USP37: variants seen among roughly 807,000 people sequenced by gnomAD.
The protein encoded by USP37 is ubiquitin carboxyl-terminal hydrolase 37.
In USP37, 27 loss-of-function variants were observed where a neutral mutation model predicts 124.0. The observed-to-expected ratio is 0.22, with a 90% CI of 0.16 to 0.30. The LOEUF (loss-of-function observed/expected upper bound fraction) is 0.30. Ranked by LOEUF, USP37 falls within the 10% of genes least tolerant of loss-of-function variation. The probability of loss-of-function intolerance (pLI) is 1.00; values close to 1 mark genes in which losing one functional copy is unlikely to be tolerated. For missense variants in USP37, 889 were observed against 1,140.4 expected (o/e 0.78, Z 3.17); for synonymous variants, 365 against 388.0 (o/e 0.94, Z 0.70).
chr2:218,528,695 C>A, intron 10 of USP37: 1 of 433,328 alleles, frequency 2.3e-6, no homozygotes. Flanking sequence ...TGCCATTACC[C>A]TCACTTTTTA....
intron 10 of USP37, among the ~76,000 whole-genome samples, chr2:218,523,584 T>C (rs75711766): frequency 0.049 from 7,432 of 152,254 alleles, 516 homozygotes; most frequent in African/African-American, 0.16. Flanking sequence ...GGGGTCTTTT[T>C]TCATCCTTTT....
At chr2:218,543,842 A>C (rs912022250) in intron 8 of USP37, among the ~76,000 whole-genome samples, 2 of 152,062 alleles carry the variant, frequency 1.3e-5, no homozygotes, top group African/African-American at 2.4e-5. Context: ...AAAAAAAAAA[A>C]CATAGCTCTC....
chr2:218,452,050 A>G lies in USP37; in HGVS notation c.*2880T>C, dbSNP rs1689498787. ...GCTATTAAAGAAATTAACAGCATCCAGCCACATGCAACTTTCCAACCTTCA... is the reference window on the plus strand; with the variant it reads ...GCTATTAAAGAAATTAACAGCATCCGGCCACATGCAACTTTCCAACCTTCA... On this transcript the variant is annotated 3_prime_UTR_variant, in exon 26 of 26. Transcript: ENST00000258399. 2.0e-5 allele frequency: 3 copies of G among 152,680 alleles called. 1 individual carries two copies. The highest frequency in any genetic ancestry group is 4.1e-4 in the South Asian group (2 of 4,834). 9.5% of individuals were successfully genotyped at this position (152,680 alleles called of 1,614,324 possible).
intron 21 of USP37, among the ~76,000 whole-genome samples, chr2:218,464,551 C>T (rs1690206744): frequency 6.6e-6 from 1 of 151,966 alleles, no homozygotes; most frequent in African/African-American, 2.4e-5. Context: ...ATTTCTTAAT[C>T]TGATTATCTG....
At chr2:218,468,841 G>C (rs1480207377) in intron 20 of USP37, among the ~76,000 whole-genome samples, 1 of 152,014 alleles carries the variant, frequency 6.6e-6, no homozygotes, top group Non-Finnish European at 1.5e-5. Flanking sequence ...TTACAGGCGT[G>C]TGCCACCACA....
chr2:218,530,479 C>G (rs934539250), intron 9 of USP37, among the ~76,000 whole-genome samples: 2 of 152,158 alleles, frequency 1.3e-5, no homozygotes, highest in Admixed American at 1.3e-4. Flanking sequence ...ATTTATCTGA[C>G]TGCTCCACCA....
intron 20 of USP37, among the ~76,000 whole-genome samples, chr2:218,466,956 C>T (rs541594269): frequency 2.0e-5 from 3 of 152,060 alleles, no homozygotes; most frequent in Non-Finnish European, 4.4e-5. Flanking sequence ...CTCTCAAACT[C>T]CTGACCTCTG....
rs891978129 is a variant in USP37, at chr2:218,559,794, C to T, written c.-25+1026G>A. On this transcript the variant is annotated intron_variant, in intron 3 of 25. Coordinates refer to ENST00000258399, the MANE Select transcript of USP37 (RefSeq NM_020935.3). ...AGGTGGGCAGACTGCTTGAGCAACA[C>T]GGCAAAAACCTCATCTCTACAAAAA... 3.0e-4 allele frequency among the ~76,000 whole-genome samples: 46 copies of T among 152,020 alleles called. 1 individual carries two copies. The highest frequency in any genetic ancestry group is 9.7e-4 in the African/African-American group (40 of 41,404).
chr2:218,454,316 A>T lies in USP37; in HGVS notation c.*614T>A, dbSNP rs1406579219. The T allele has an allele frequency of 6.6e-6, 1 of 152,586 alleles. No individual in the cohort carries two copies. The highest frequency in any genetic ancestry group is 2.4e-5 in the African/African-American group (1 of 41,432). 9.5% of individuals were successfully genotyped at this position (152,586 alleles called of 1,614,324 possible). A position where few individuals can be genotyped will look rare whatever the true frequency, so the allele number is the denominator to read the frequency against. ...AACAACAACAACAAAACAGCTCCTC[A>T]AGTCAGGTGACAGTAATGCCCCTCT... is the stretch of plus-strand genomic sequence containing the variant. On this transcript the variant is annotated 3_prime_UTR_variant, in exon 26 of 26. Transcript: ENST00000258399.
chr2:218,523,188 G>A (rs1196759299), intron 10 of USP37, among the ~76,000 whole-genome samples: 6 of 152,084 alleles, frequency 3.9e-5, no homozygotes, highest in East Asian at 1.9e-4. Flanking sequence ...GCTTGAACCC[G>A]GGAAGCGGAG....
intron 11 of USP37, among the ~76,000 whole-genome samples, chr2:218,506,400 C>T (rs576618638): frequency 1.4e-5 from 2 of 146,916 alleles, no homozygotes; most frequent in East Asian, 4.2e-4. Flanking sequence ...AAGAAATTCT[C>T]CTGCTTCAGC....
intron 8 of USP37, among the ~76,000 whole-genome samples, chr2:218,538,857 A>T (rs1417634276): frequency 6.6e-6 from 1 of 152,216 alleles, no homozygotes; most frequent in Admixed American, 6.5e-5. Context: ...CCCACAATGA[A>T]TATGATGGAA....
intron 14 of USP37, among the ~76,000 whole-genome samples, chr2:218,488,890 C>A (rs974046083): frequency 6.6e-6 from 1 of 152,128 alleles, no homozygotes; most frequent in Non-Finnish European, 1.5e-5. Flanking sequence ...CTGCCTTAGC[C>A]TCCCAAAGTA....
At chr2:218,513,262 C>G (rs1690098143) in intron 10 of USP37, among the ~76,000 whole-genome samples, 1 of 152,230 alleles carries the variant, frequency 6.6e-6, no homozygotes. Flanking sequence ...AATTTCTGGG[C>G]TCAAGTGATA....
intron 18 of USP37, 146 bp from the exon 19 acceptor site, chr2:218,477,127 C>T: frequency 1.0e-6 from 1 of 976,726 alleles, no homozygotes; most frequent in Non-Finnish European, 1.4e-6. Context: ...TATATTTCAG[C>T]ATTACCTTTG....
chr2:218,521,014 G>C (rs1690583075), intron 10 of USP37, among the ~76,000 whole-genome samples: 1 of 152,108 alleles, frequency 6.6e-6, no homozygotes, highest in Admixed American at 6.5e-5. Context: ...TCTCCTGATA[G>C]AGTCCTCATG....
chr2:218,537,084 T>C (rs963706244), intron 8 of USP37, among the ~76,000 whole-genome samples: 18 of 152,198 alleles, frequency 1.2e-4, no homozygotes, highest in Non-Finnish European at 2.5e-4. Flanking sequence ...ATCATTGACT[T>C]ATATACCCTT....
chr2:218,531,393 C>T (rs1188894712), intron 9 of USP37, among the ~76,000 whole-genome samples: 1 of 152,178 alleles, frequency 6.6e-6, no homozygotes, highest in Non-Finnish European at 1.5e-5. Context: ...ATATTTTAAG[C>T]CACTACTGAT....
chr2:218,450,681 A>C lies in USP37; in HGVS notation c.*4249T>G, dbSNP rs566586635. On this transcript the variant is annotated 3_prime_UTR_variant, in exon 26 of 26. Transcript: ENST00000258399. ...CACAGGCCCACTATTTTTGAAGTAG[A>C]CCAGTTTAGTTGACTGTTCTTCTTT... 1 of 152,330 alleles carries C rather than the reference A, an allele frequency of 6.6e-6. No homozygotes were observed. The highest frequency in any genetic ancestry group is 1.5e-5 in the Non-Finnish European group (1 of 68,042). The allele number at this position is 152,330 out of a possible 1,614,324, so 9.4% of individuals were successfully genotyped here. A position where few individuals can be genotyped will look rare whatever the true frequency, so the allele number is the denominator to read the frequency against.
Sources: allele counts gnomAD v4.1 joint callset (sites outside exome capture counted in the v4.1 genomes callset), GRCh38; gene constraint gnomAD v4.1.1; transcripts MANE v1.5; gene names NCBI Gene and HGNC (gene_info 2026-07-23, HGNC 2026-07-21).